Variants in EXT1 observed in about 807,000 individuals in gnomAD.
The protein encoded by EXT1 is exostosin glycosyltransferase 1.
EXT1 carries 20 observed loss-of-function variants against 82.5 expected under a neutral mutation model. The observed-to-expected ratio is 0.24, with a 90% CI of 0.17 to 0.35. The LOEUF (loss-of-function observed/expected upper bound fraction) is 0.35. EXT1 is among the 10% of genes least tolerant of loss of function. The probability of loss-of-function intolerance (pLI) is 1.00; values close to 1 mark genes in which losing one functional copy is unlikely to be tolerated. For missense variants in EXT1, 757 were observed against 936.5 expected, an observed-to-expected ratio of 0.81 and a Z score of 2.50; for synonymous variants, 348 against 350.8, an observed-to-expected ratio of 0.99 and a Z score of 0.09.
At chr8:117,823,419 C>A (rs1215382459) in intron 4 of EXT1, among the ~76,000 whole-genome samples, 4 of 151,512 alleles carry the variant, frequency 2.6e-5, no homozygotes, top group Non-Finnish European at 5.9e-5. Context: ...CAAACTCTTA[C>A]AATTATACCA....
At chr8:117,845,555 G>C (rs565398416) in intron 1 of EXT1, among the ~76,000 whole-genome samples, 33 of 10,926 alleles carry the variant, frequency 3.0e-3, no homozygotes, top group African/African-American at 4.4e-3. Context: ...ATAAAAGTAA[G>C]TAAAAAAAAA....
At chr8:117,949,570 G>A (rs1409088987) in intron 1 of EXT1, among the ~76,000 whole-genome samples, 1 of 150,314 alleles carries the variant, frequency 6.7e-6, no homozygotes, top group African/African-American at 2.4e-5. Flanking sequence ...ACATTTGGAA[G>A]TTATTCATTT....
intron 1 of EXT1, among the ~76,000 whole-genome samples, chr8:117,888,873 T>C (rs988405045): frequency 3.3e-5 from 5 of 152,220 alleles, no homozygotes; most frequent in African/African-American, 1.2e-4. Context: ...GCTGCCTATC[T>C]TCAAACCTCA....
intron 1 of EXT1, among the ~76,000 whole-genome samples, chr8:118,035,965 C>A (rs1245621107): frequency 6.6e-6 from 1 of 152,170 alleles, no homozygotes; most frequent in Non-Finnish European, 1.5e-5. Flanking sequence ...ACTACTGTAA[C>A]CTAAGAATGA....
At chr8:118,104,993 A>T (rs1817783170) in intron 1 of EXT1, among the ~76,000 whole-genome samples, 1 of 152,212 alleles carries the variant, frequency 6.6e-6, no homozygotes, top group Admixed American at 6.5e-5. Context: ...AACTCGGGCC[A>T]TAAAACCTGG....
At chr8:117,949,876 C>T (rs190687330) in intron 1 of EXT1, among the ~76,000 whole-genome samples, 1 of 152,096 alleles carries the variant, frequency 6.6e-6, no homozygotes, top group African/African-American at 2.4e-5. Context: ...ATTTTTAAGA[C>T]AAGATAACTG....
chr8:117,863,492 C>T (rs1236644182), intron 1 of EXT1, among the ~76,000 whole-genome samples: 3 of 145,250 alleles, frequency 2.1e-5, no homozygotes, highest in South Asian at 4.3e-4. Context: ...ACGGCTGATG[C>T]GGGCCAAATA....
chr8:118,111,210 G>A lies in EXT1; in HGVS notation c.-164C>T, dbSNP rs1280417903. The A allele has an allele frequency of 3.2e-6, 3 of 950,082 alleles. No homozygotes were observed. Among genetic ancestry groups the A allele is most frequent in the Non-Finnish European group, 4.8e-6 (3 of 623,072 alleles). 58.9% of individuals were successfully genotyped at this position (950,082 alleles called of 1,614,324 possible). On this transcript the variant is annotated 5_prime_UTR_variant, in exon 1 of 11. Coordinates refer to ENST00000378204, the MANE Select transcript of EXT1 (RefSeq NM_000127.3). ...TTTCCCCAAGCCGTGGACTGATCCA[G>A]CGCATGTGGGCGATTTCTTTAACTT... is the stretch of plus-strand genomic sequence containing the variant.
At chr8:117,819,552 C>G (rs367774184) in intron 6 of EXT1, 124 bp downstream of exon 6, 1 of 806,982 alleles carries the variant, frequency 1.2e-6, no homozygotes, top group South Asian at 1.4e-5. Flanking sequence ...AAGGGAGTAG[C>G]AGGGTATGAT....
intron 6 of EXT1, 82 bp downstream of exon 6, chr8:117,819,594 C>G: frequency 8.3e-7 from 1 of 1,204,398 alleles, no homozygotes; most frequent in Non-Finnish European, 1.2e-6. Flanking sequence ...CTGGGGAGCC[C>G]GGGGGATAAC....
At chr8:117,882,649 C>T (rs2066121957) in intron 1 of EXT1, among the ~76,000 whole-genome samples, 1 of 152,064 alleles carries the variant, frequency 6.6e-6, no homozygotes, top group Admixed American at 6.6e-5. Context: ...GTCCTTGGTG[C>T]CTATCACTTT....
At chr8:117,861,481 T>A (rs1454983882) in intron 1 of EXT1, among the ~76,000 whole-genome samples, 1 of 140,386 alleles carries the variant, frequency 7.1e-6, no homozygotes, top group Non-Finnish European at 1.5e-5. Flanking sequence ...CTCCCTGAAG[T>A]TTTTATCTTT....
At chr8:117,923,713 G>A (rs550369859) in intron 1 of EXT1, among the ~76,000 whole-genome samples, 12 of 150,498 alleles carry the variant, frequency 8.0e-5, no homozygotes, top group Non-Finnish European at 1.5e-4. Context: ...GTGACAGGGC[G>A]AGACTCTGTC....
chr8:118,069,550 C>T (rs1817050897), intron 1 of EXT1, among the ~76,000 whole-genome samples: 1 of 152,018 alleles, frequency 6.6e-6, no homozygotes, highest in African/African-American at 2.4e-5. Flanking sequence ...TGGTAGGTAG[C>T]ATGTTTGGAA....
At position 117,799,549 on chromosome 8, in the gene EXT1, A is replaced by G; in HGVS notation, c.*163T>C. 1 of 728,212 alleles carries G rather than the reference A, an allele frequency of 1.4e-6. No individual in the cohort carries two copies. 45.1% of individuals were successfully genotyped at this position (728,212 alleles called of 1,614,324 possible). A position where few individuals can be genotyped will look rare whatever the true frequency, so the allele number is the denominator to read the frequency against. On this transcript the variant is annotated 3_prime_UTR_variant, in exon 11 of 11. Transcript: ENST00000378204. The stretch of plus-strand genomic sequence containing the variant: ...GTCTGGTGCAGTCCCAGGAGCCAGG[A>G]GTTGAGTTCTCATTGGCCTTTTTTT...
Position 117,799,617 on chromosome 8 carries a change from A to G in EXT1, c.*95T>C. 1 of 1,456,072 alleles carries G rather than the reference A, an allele frequency of 6.9e-7. No homozygotes were observed. The highest frequency in any genetic ancestry group is 1.2e-5 in the South Asian group (1 of 86,898). The allele number at this position is 1,456,072 out of a possible 1,614,324, so 90.2% of individuals were successfully genotyped here. A position where few individuals can be genotyped will look rare whatever the true frequency, so the allele number is the denominator to read the frequency against. On this transcript the variant is annotated 3_prime_UTR_variant, in exon 11 of 11. Coordinates refer to ENST00000378204, the MANE Select transcript of EXT1 (RefSeq NM_000127.3). ...TCTAAGTTTTTGGATAGTTGGCACA[A>G]TCTGGCTCTGCTGATGAGTGGATCT...
chr8:117,835,332 C>T lies in EXT1; in HGVS notation c.1164+112G>A, dbSNP rs186131690. The T allele has an allele frequency of 2.3e-4, 180 of 786,912 alleles. 2 individuals are homozygous for T. Among genetic ancestry groups the T allele is most frequent in the Admixed American group, 1.8e-3 (89 of 50,174 alleles). 48.7% of individuals were successfully genotyped at this position (786,912 alleles called of 1,614,324 possible). ...TTCACCATGACACAGGTAATTTTCT[C>T]CTGATAAGATTTCTTTTATAGAGCT... On this transcript the variant is annotated intron_variant, in intron 3 of 10. Transcript: ENST00000378204.
intron 1 of EXT1, among the ~76,000 whole-genome samples, chr8:117,883,250 T>A (rs1813092331): frequency 6.6e-6 from 1 of 152,240 alleles, no homozygotes; most frequent in Non-Finnish European, 1.5e-5. Context: ...CTTTTGAGTA[T>A]CGGAACATTT....
chr8:118,062,091 T>C (rs1371398188), intron 1 of EXT1, among the ~76,000 whole-genome samples: 3 of 152,172 alleles, frequency 2.0e-5, no homozygotes, highest in Non-Finnish European at 4.4e-5. Flanking sequence ...TCAGGTGACA[T>C]TCACTCATTT....
Sources: gnomAD v4.1 joint callset for allele counts (sites outside exome capture counted in the v4.1 genomes callset) on GRCh38, gnomAD v4.1.1 for gene constraint, MANE v1.5 for transcripts, NCBI Gene and HGNC (gene_info 2026-07-23, HGNC 2026-07-21) for gene names.